The following PBX1 variants were observed in gnomAD, a reference collection of about 807,000 sequenced individuals.
The protein encoded by PBX1 is PBX homeobox 1, also known as pre-B-cell leukemia transcription factor 1.
In PBX1, 6 loss-of-function variants were observed where a neutral mutation model predicts 53.4. The observed-to-expected ratio is 0.11, with a 90% confidence interval of 0.06 to 0.22. The LOEUF (loss-of-function observed/expected upper bound fraction) is 0.22, where lower values mean the gene tolerates loss of function less well. PBX1 is among the 10% of genes least tolerant of loss of function. The pLI is 1.00. For missense variants in PBX1, 251 were observed against 551.4 expected (o/e 0.46, Z 5.46); for synonymous variants, 204 against 212.3 (o/e 0.96, Z 0.34).
chr1:164,568,250 A>G (rs558162575), intron 2 of PBX1, among the ~76,000 whole-genome samples: 56 of 152,280 alleles, frequency 3.7e-4, no homozygotes, highest in Middle Eastern at 6.8e-3. Flanking sequence ...TTATTCTTCA[A>G]TTTGGTTTCA....
chr1:164,732,475 C>T (rs1422955251), intron 2 of PBX1, among the ~76,000 whole-genome samples: 1 of 152,108 alleles, frequency 6.6e-6, no homozygotes, highest in Non-Finnish European at 1.5e-5. Flanking sequence ...ATGACATTGC[C>T]TTCTAGTTCA....
At chr1:164,686,062 T>C (rs1466378037) in intron 2 of PBX1, among the ~76,000 whole-genome samples, 2 of 152,206 alleles carry the variant, frequency 1.3e-5, no homozygotes, top group African/African-American at 4.8e-5. Flanking sequence ...TCAATGCTGC[T>C]GAATTTCTCC....
Position 164,848,419 on chromosome 1 carries a change from T to G in PBX1, c.*1743T>G. 9.5e-7 allele frequency: 1 copy of G among 1,055,878 alleles called. No individual in the cohort carries two copies. Among genetic ancestry groups the G allele is most frequent in the South Asian group, 4.6e-5 (1 of 21,906 alleles). The allele number at this position is 1,055,878 out of a possible 1,614,324, so 65.4% of individuals were successfully genotyped here. A position where few individuals can be genotyped will look rare whatever the true frequency, so the allele number is the denominator to read the frequency against. On this transcript the variant is annotated 3_prime_UTR_variant, in exon 9 of 9. Coordinates refer to ENST00000420696, the MANE Select transcript of PBX1 (RefSeq NM_002585.4). Reference sequence around the variant, plus strand: ...GTCTTGTGAGAGACTGAGAAGTTGATTTTGTTCATATCCAATCTGTAAATG... The same window carrying G: ...GTCTTGTGAGAGACTGAGAAGTTGAGTTTGTTCATATCCAATCTGTAAATG...
chr1:164,786,079 T>A (rs1227949645), intron 2 of PBX1, among the ~76,000 whole-genome samples: 2 of 152,098 alleles, frequency 1.3e-5, no homozygotes, highest in Non-Finnish European at 2.9e-5. Flanking sequence ...GTACAACTTG[T>A]AACTGGAATG....
chr1:164,874,035 A>G (rs539021531), intron 2 of PBX1, among the ~76,000 whole-genome samples: 1 of 151,132 alleles, frequency 6.6e-6, no homozygotes, highest in Admixed American at 6.6e-5. Context: ...AAGAGGCATG[A>G]AAGGAGAGGA....
At chr1:164,658,623 T>G (rs931557116) in intron 2 of PBX1, among the ~76,000 whole-genome samples, 4 of 152,200 alleles carry the variant, frequency 2.6e-5, no homozygotes, top group Admixed American at 2.0e-4. Flanking sequence ...CAAAACTGTT[T>G]GGCATTCCAG....
chr1:164,754,671 G>A (rs77635679), intron 2 of PBX1, among the ~76,000 whole-genome samples: 8,171 of 151,918 alleles, frequency 0.054, 229 homozygotes, highest in South Asian at 0.1. Context: ...GTGTGTGTAC[G>A]TGCGTGCACG....
At chr1:164,673,439 AT>A (rs112069334) in intron 2 of PBX1, among the ~76,000 whole-genome samples, 2 of 129,800 alleles carry the variant, frequency 1.5e-5, no homozygotes, top group Non-Finnish European at 3.4e-5. Flanking sequence ...CCTCTCTGGC[AT>A]TTTTTTCTTC....
At chr1:164,778,724 G>C (rs565636779) in intron 2 of PBX1, among the ~76,000 whole-genome samples, 1 of 152,122 alleles carries the variant, frequency 6.6e-6, no homozygotes, top group Non-Finnish European at 1.5e-5. Context: ...GTTTAGGCTA[G>C]TTCAGGAAAA....
intron 8 of PBX1, among the ~76,000 whole-genome samples, chr1:164,841,649 A>G (rs1428934114): frequency 1.3e-5 from 2 of 152,140 alleles, no homozygotes; most frequent in Non-Finnish European, 2.9e-5. Flanking sequence ...ATCTTGGGAA[A>G]GTGTTAAGCA....
intron 2 of PBX1, among the ~76,000 whole-genome samples, chr1:164,591,765 A>G (rs1164273916): frequency 6.6e-6 from 1 of 152,196 alleles, no homozygotes; most frequent in Non-Finnish European, 1.5e-5. Context: ...TTCCTATCCT[A>G]CAAGTAGAGA....
chr1:164,725,093 G>A (rs917389454), intron 2 of PBX1, among the ~76,000 whole-genome samples: 1 of 152,190 alleles, frequency 6.6e-6, no homozygotes, highest in East Asian at 1.9e-4. Flanking sequence ...TAAGCAGGCA[G>A]CTTGAACCCC....
rs1049679792 is a variant in PBX1 at position 164,625,621 on chromosome 1, A to G, written c.265+62310A>G. 6.6e-5 allele frequency among the ~76,000 whole-genome samples: 10 copies of G among 152,286 alleles called. No individual in the cohort carries two copies. In the South Asian group the frequency reaches 1.4e-3, roughly 22 times the overall value. On this transcript the variant is annotated intron_variant, in intron 2 of 8. Coordinates refer to ENST00000420696, the MANE Select transcript of PBX1 (RefSeq NM_002585.4). ...GCGAGCCAGTGGAAAAAGCACATTCATTATCAGTGTCTTTCTCACTGAGTC... is the reference window on the plus strand; with the variant it reads ...GCGAGCCAGTGGAAAAAGCACATTCGTTATCAGTGTCTTTCTCACTGAGTC...
At chr1:164,709,770 C>T (rs1256386550) in intron 2 of PBX1, among the ~76,000 whole-genome samples, 1 of 152,228 alleles carries the variant, frequency 6.6e-6, no homozygotes, top group Non-Finnish European at 1.5e-5. Flanking sequence ...AGCAGAATTT[C>T]CGTCATCTTT....
At chr1:164,830,759 G>A (rs925901477) in intron 8 of PBX1, among the ~76,000 whole-genome samples, 1 of 152,136 alleles carries the variant, frequency 6.6e-6, no homozygotes, top group Non-Finnish European at 1.5e-5. Flanking sequence ...GGCAGCCTCT[G>A]CCTCGCCGTT....
chr1:164,666,336 G>T (rs966640803), intron 2 of PBX1, among the ~76,000 whole-genome samples: 1 of 152,134 alleles, frequency 6.6e-6, no homozygotes, highest in African/African-American at 2.4e-5. Flanking sequence ...GCTAACAAAA[G>T]GCTTAAGTCC....
At chr1:164,789,633 A>G (rs1668389855) in intron 2 of PBX1, among the ~76,000 whole-genome samples, 1 of 152,186 alleles carries the variant, frequency 6.6e-6, no homozygotes, top group Admixed American at 6.5e-5. Flanking sequence ...CCTGACCATT[A>G]ATAGGACATC....
At chr1:164,661,628 T>C (rs796263252) in intron 2 of PBX1, among the ~76,000 whole-genome samples, 15 of 152,138 alleles carry the variant, frequency 9.9e-5, no homozygotes, top group African/African-American at 3.6e-4. Flanking sequence ...GGTTTCACCA[T>C]GTTGGCCAGG....
chr1:164,731,995 C>G (rs1397003971), intron 2 of PBX1, among the ~76,000 whole-genome samples: 4 of 152,152 alleles, frequency 2.6e-5, no homozygotes, highest in African/African-American at 9.7e-5. Flanking sequence ...CTTTCCTACA[C>G]AGTGGGCAGC....
Sources: allele counts gnomAD v4.1 joint callset (sites outside exome capture counted in the v4.1 genomes callset), GRCh38; gene constraint gnomAD v4.1.1; transcripts MANE v1.5; gene names NCBI Gene and HGNC (gene_info 2026-07-23, HGNC 2026-07-21).